PITPNC1: variants seen among roughly 807,000 people sequenced by gnomAD.
PITPNC1 encodes cytoplasmic phosphatidylinositol transfer protein 1.
PITPNC1 carries 18 observed loss-of-function variants against 44.7 expected under a neutral mutation model. The ratio of observed to expected loss-of-function variants is 0.40; its 90% confidence interval spans 0.28 to 0.60. The LOEUF (loss-of-function observed/expected upper bound fraction) is 0.60, where lower values mean the gene tolerates loss of function less well. Ranked by LOEUF, PITPNC1 falls within the 20% of genes least tolerant of loss-of-function variation. The pLI, the probability that PITPNC1 is intolerant of heterozygous loss-of-function variation, is 0.39. For synonymous variants in PITPNC1, 141 were observed against 149.6 expected, an observed-to-expected ratio of 0.94 and a Z score of 0.42; for missense variants, 290 against 418.4, an observed-to-expected ratio of 0.69 and a Z score of 2.68.
chr17:67,595,455 T>G (rs1170861140), intron 5 of PITPNC1, among the ~76,000 whole-genome samples: 6 of 151,516 alleles, frequency 4.0e-5, no homozygotes, highest in Non-Finnish European at 8.8e-5. Flanking sequence ...TATTTTAGTT[T>G]TTTTTTTTTT....
intron 6 of PITPNC1, among the ~76,000 whole-genome samples, chr17:67,646,381 G>A (rs1400359615): frequency 6.6e-6 from 1 of 152,114 alleles, no homozygotes; most frequent in Non-Finnish European, 1.5e-5. Flanking sequence ...GTGTTATTAA[G>A]GTGCTTGTCT....
In PITPNC1 at chr17:67,384,474, A is replaced by G. The variant is rs536542966; in HGVS notation, c.48+6272A>G. 2.5e-4 allele frequency among the ~76,000 whole-genome samples: 37 copies of G among 147,852 alleles called. No individual in the cohort carries two copies. The South Asian group carries it at 7.4e-3, about 30-fold the overall frequency. ...GGAGTCTCGCTCTTTCGCCCAGGCC[A>G]GAGTGCAGTGGCGCGATCTCGGCTC... is the stretch of plus-strand genomic sequence containing the variant. On this transcript the variant is annotated intron_variant, in intron 1 of 8. Transcript: ENST00000581322.
chr17:67,421,659 T>G (rs765435185), intron 1 of PITPNC1, among the ~76,000 whole-genome samples: 1 of 152,184 alleles, frequency 6.6e-6, no homozygotes, highest in African/African-American at 2.4e-5. Flanking sequence ...TGGGTTGCTG[T>G]GTCAGATGGG....
intron 1 of PITPNC1, among the ~76,000 whole-genome samples, chr17:67,474,437 T>C (rs1439958925): frequency 6.6e-6 from 1 of 152,086 alleles, no homozygotes; most frequent in Non-Finnish European, 1.5e-5. Context: ...GAGCAGATAA[T>C]TCATTGTTGT....
chr17:67,379,195 G>A, intron 1 of PITPNC1: 19 of 985,770 alleles, frequency 1.9e-5, no homozygotes, highest in Non-Finnish European at 2.3e-5. Context: ...GTGTGGTTTG[G>A]TGTGGCAACA....
intron 6 of PITPNC1, among the ~76,000 whole-genome samples, chr17:67,658,912 G>A (rs1302618773): frequency 6.6e-6 from 1 of 152,274 alleles, no homozygotes; most frequent in East Asian, 1.9e-4. Flanking sequence ...TTGTTTACGT[G>A]CAACTATCAG....
chr17:67,539,159 G>A (rs1454076927), intron 2 of PITPNC1, among the ~76,000 whole-genome samples: 4 of 152,102 alleles, frequency 2.6e-5, no homozygotes, highest in Non-Finnish European at 4.4e-5. Context: ...TTAAAAATCT[G>A]ATAATGCCAG....
In PITPNC1 at chr17:67,663,327, T is replaced by G. The variant is rs182476631; in HGVS notation, c.463-6181T>G. ...GCTCCTGCCTGTAATCCCAGCACTT[T>G]GGGAGGCCGAGGCGGGTGGATCACG... On this transcript the variant is annotated intron_variant, in intron 6 of 8. Transcript: ENST00000581322. 8.6e-3 allele frequency among the ~76,000 whole-genome samples: 1,314 copies of G among 152,020 alleles called. 12 individuals are homozygous for G. Among genetic ancestry groups the G allele is most frequent in the Middle Eastern group, 0.027 (8 of 294 alleles).
chr17:67,488,867 A>G (rs1162694033), intron 1 of PITPNC1, among the ~76,000 whole-genome samples: 2 of 152,172 alleles, frequency 1.3e-5, no homozygotes. Flanking sequence ...TATCTGGCTT[A>G]TTTCTCTTAG....
At chr17:67,532,513 C>T (rs2040475351) in intron 1 of PITPNC1, among the ~76,000 whole-genome samples, 1 of 152,238 alleles carries the variant, frequency 6.6e-6, no homozygotes, top group East Asian at 1.9e-4. Context: ...TCCAGTGTCC[C>T]CCTTCCCAAG....
intron 1 of PITPNC1, among the ~76,000 whole-genome samples, chr17:67,483,873 T>A (rs2144031694): frequency 6.6e-6 from 1 of 152,180 alleles, no homozygotes; most frequent in South Asian, 2.1e-4. Context: ...CTGTTGGTTG[T>A]CATGCAATAA....
intron 5 of PITPNC1, among the ~76,000 whole-genome samples, chr17:67,620,297 T>A (rs995148377): frequency 2.6e-5 from 4 of 152,154 alleles, no homozygotes; most frequent in Non-Finnish European, 5.9e-5. Flanking sequence ...TAAGCAATCC[T>A]CCTGCCTCTG....
chr17:67,396,427 A>G (rs1364154797), intron 1 of PITPNC1, among the ~76,000 whole-genome samples: 2 of 151,912 alleles, frequency 1.3e-5, no homozygotes, highest in African/African-American at 2.4e-5. Context: ...GCTGGAGTGC[A>G]GTGGCGTGAT....
chr17:67,616,355 G>A (rs1203487942), intron 5 of PITPNC1, among the ~76,000 whole-genome samples: 1 of 152,118 alleles, frequency 6.6e-6, no homozygotes, highest in Non-Finnish European at 1.5e-5. Flanking sequence ...TGGCTAGGCT[G>A]GTCTCGAACT....
At chr17:67,535,344 C>T (rs1487103946) in intron 2 of PITPNC1, among the ~76,000 whole-genome samples, 1 of 152,158 alleles carries the variant, frequency 6.6e-6, no homozygotes, top group Non-Finnish European at 1.5e-5. Context: ...TCGGGGATCA[C>T]CTCTGCAGGG....
chr17:67,384,871 A>G (rs2038018375), intron 1 of PITPNC1, among the ~76,000 whole-genome samples: 1 of 152,236 alleles, frequency 6.6e-6, no homozygotes, highest in Non-Finnish European at 1.5e-5. Flanking sequence ...AATCTCACAG[A>G]CTTTCCCCAA....
chr17:67,438,713 C>G (rs574389031), intron 1 of PITPNC1, among the ~76,000 whole-genome samples: 1 of 152,328 alleles, frequency 6.6e-6, no homozygotes, highest in Non-Finnish European at 1.5e-5. Context: ...TTTCCTTCCT[C>G]TCTTTTAAAT....
At chr17:67,675,958 G>A (rs936031672) in intron 8 of PITPNC1, among the ~76,000 whole-genome samples, 4 of 152,182 alleles carry the variant, frequency 2.6e-5, no homozygotes, top group Admixed American at 6.5e-5. Context: ...TGTAATCCCA[G>A]CACTTTGGGA....
At chr17:67,527,926 A>G (rs943214355) in intron 1 of PITPNC1, among the ~76,000 whole-genome samples, 2 of 152,216 alleles carry the variant, frequency 1.3e-5, no homozygotes, top group African/African-American at 4.8e-5. Flanking sequence ...GCTTGAGCCC[A>G]GGAAGTCGAG....
Sources: gnomAD v4.1 joint callset for allele counts (sites outside exome capture counted in the v4.1 genomes callset) on GRCh38, gnomAD v4.1.1 for gene constraint, MANE v1.5 for transcripts, NCBI Gene and HGNC (gene_info 2026-07-23, HGNC 2026-07-21) for gene names.